MECR: variants seen among roughly 807,000 people sequenced by gnomAD.
MECR encodes enoyl-[acyl-carrier-protein] reductase, mitochondrial.
MECR carries 37 observed loss-of-function variants against 49.1 expected under a neutral mutation model. That is an observed-to-expected ratio of 0.75 (90% CI 0.58 to 0.99). The LOEUF (loss-of-function observed/expected upper bound fraction) is 0.99, where lower values mean the gene tolerates loss of function less well. MECR is among the 50% of genes least tolerant of loss of function. The pLI is 0.00. For missense variants in MECR, 470 were observed against 479.6 expected, an observed-to-expected ratio of 0.98 and a Z score of 0.19; for synonymous variants, 198 against 191.1, an observed-to-expected ratio of 1.04 and a Z score of -0.30.
rs138375354 is a variant in MECR at position 29,223,279 on chromosome 1, T to C, written c.177-6594A>G. 6.1e-6 allele frequency: 6 copies of C among 985,086 alleles called. No individual in the cohort carries two copies. In the African/African-American group the frequency reaches 8.7e-5, roughly 14 times the overall value. The allele number at this position is 985,086 out of a possible 1,614,324, so 61.0% of individuals were successfully genotyped here. The stretch of plus-strand genomic sequence containing the variant: ...TGTACACCTGTGATGCCATATGAAG[T>C]ACAAGGGAGACAAAAGCAGGCAGAA... On this transcript the variant is annotated intron_variant, in intron 1 of 9. Coordinates refer to ENST00000263702, the MANE Select transcript of MECR (RefSeq NM_016011.5).
Position 29,198,532 on chromosome 1 carries a change from G to A in MECR, c.830+1984C>T, listed in dbSNP as rs1364458697. On this transcript the variant is annotated intron_variant, in intron 7 of 9. Coordinates refer to ENST00000263702, the MANE Select transcript of MECR (RefSeq NM_016011.5). ...TGTCTGTCAGGTATAGGGCTGAAGC[G>A]GTGTGCTCAAATGTGGGGTCAAGCC... 3.3e-5 allele frequency among the ~76,000 whole-genome samples: 5 copies of A among 152,174 alleles called. No homozygotes were observed. The South Asian group carries it at 6.2e-4, about 19-fold the overall frequency.
the MECR span, among the ~76,000 whole-genome samples, chr1:29,181,270 G>C: frequency 2.6e-5 from 4 of 152,212 alleles, no homozygotes; most frequent in Non-Finnish European, 5.9e-5. Context: ...GTAGTCCTCA[G>C]AGCGGGAAAG....
At chr1:29,177,741 T>G in the MECR span, among the ~76,000 whole-genome samples, 1 of 152,158 alleles carries the variant, frequency 6.6e-6, no homozygotes, top group East Asian at 1.9e-4. Flanking sequence ...ACATTAGCGA[T>G]GCCTGGTGTA....
At chr1:29,200,019 C>A (rs1055183392) in intron 7 of MECR, among the ~76,000 whole-genome samples, 7 of 152,056 alleles carry the variant, frequency 4.6e-5, no homozygotes, top group Admixed American at 4.6e-4. Context: ...CCTTGGCCTC[C>A]CAAATTACTG....
At chr1:29,209,810 G>A (rs1035371293) in intron 3 of MECR, among the ~76,000 whole-genome samples, 8 of 152,066 alleles carry the variant, frequency 5.3e-5, no homozygotes, top group Non-Finnish European at 1.0e-4. Context: ...GTGGCAGCTC[G>A]GGGCCCTTGG....
the MECR span, among the ~76,000 whole-genome samples, chr1:29,177,283 G>GTTTTTTTT: frequency 7.3e-6 from 1 of 137,880 alleles, no homozygotes; most frequent in African/African-American, 2.7e-5. Context: ...AACTCTTTTT[G>GTTTTTTTT]TTTTTTTTTT....
intron 1 of MECR, among the ~76,000 whole-genome samples, chr1:29,222,468 TAC>T (rs916530579): frequency 6.6e-6 from 1 of 152,178 alleles, no homozygotes; most frequent in African/African-American, 2.4e-5. Flanking sequence ...AGATTCTGAC[TAC>T]ACGTTAGTCA....
At position 29,223,396 on chromosome 1, in the gene MECR, T is replaced by C. The variant is rs574710381; in HGVS notation, c.177-6711A>G. ...GTGTAAGGTGGGCATTAGCTAGCTCTGCTGAGATATCTTTCCTGCGTTCCA... is the reference window on the plus strand; with the variant it reads ...GTGTAAGGTGGGCATTAGCTAGCTCCGCTGAGATATCTTTCCTGCGTTCCA... On this transcript the variant is annotated intron_variant, in intron 1 of 9. Coordinates refer to ENST00000263702, the MANE Select transcript of MECR (RefSeq NM_016011.5). 6.2e-6 allele frequency: 3 copies of C among 487,208 alleles called. No individual in the cohort carries two copies. The African/African-American group carries it at 6.3e-5, about 10-fold the overall frequency. 30.2% of individuals were successfully genotyped at this position (487,208 alleles called of 1,614,324 possible). A position where few individuals can be genotyped will look rare whatever the true frequency, so the allele number is the denominator to read the frequency against.
At chr1:29,210,787 C>G (rs545868722) in intron 3 of MECR, among the ~76,000 whole-genome samples, 67 of 152,298 alleles carry the variant, frequency 4.4e-4, no homozygotes, top group African/African-American at 1.6e-3. Context: ...GATCACTTCA[C>G]CTTTTTTGAG....
chr1:29,213,395 A>G (rs922607304), intron 3 of MECR, among the ~76,000 whole-genome samples: 9 of 148,550 alleles, frequency 6.1e-5, no homozygotes, highest in Non-Finnish European at 1.2e-4. Flanking sequence ...GTAGACTCCT[A>G]TTACTGTTTT....
intron 4 of MECR, among the ~76,000 whole-genome samples, chr1:29,205,782 G>A (rs1038767785): frequency 1.9e-4 from 29 of 152,010 alleles, no homozygotes; most frequent in Non-Finnish European, 2.5e-4. Context: ...GTGAGCCCAC[G>A]CCACTGCACT....
intron 7 of MECR, among the ~76,000 whole-genome samples, chr1:29,196,638 T>C (rs928493772): frequency 6.6e-6 from 1 of 151,052 alleles, no homozygotes; most frequent in African/African-American, 2.4e-5. Context: ...CAGTGAGCCC[T>C]GATCGCACTA....
intron 3 of MECR, among the ~76,000 whole-genome samples, chr1:29,213,949 T>A (rs1428199113): frequency 6.6e-6 from 1 of 152,098 alleles, no homozygotes; most frequent in Non-Finnish European, 1.5e-5. Context: ...TGTGGGGAGA[T>A]CTCATCTAAG....
the MECR span, among the ~76,000 whole-genome samples, chr1:29,186,651 T>C: frequency 1.3e-5 from 2 of 152,322 alleles, no homozygotes; most frequent in South Asian, 4.1e-4. Flanking sequence ...CTTTTTCTCA[T>C]GCCTCCCCAT....
chr1:29,227,124 C>G (rs940015060), intron 1 of MECR, among the ~76,000 whole-genome samples: 1 of 151,658 alleles, frequency 6.6e-6, no homozygotes, highest in African/African-American at 2.4e-5. Context: ...CCACTGTGCC[C>G]GACTAATTTT....
At chr1:29,225,813 A>C (rs766495466) in intron 1 of MECR, among the ~76,000 whole-genome samples, 1 of 152,312 alleles carries the variant, frequency 6.6e-6, no homozygotes, top group Middle Eastern at 3.4e-3. Context: ...ACAGTGCCCT[A>C]TAGTGAGAAT....
At chr1:29,215,212 C>T (rs547993766) in intron 3 of MECR, among the ~76,000 whole-genome samples, 6 of 152,174 alleles carry the variant, frequency 3.9e-5, no homozygotes, top group Non-Finnish European at 7.4e-5. Context: ...TCCACCATTT[C>T]CCAATCTCAC....
chr1:29,203,632 G>A (rs145526391), intron 4 of MECR, among the ~76,000 whole-genome samples: 2 of 152,226 alleles, frequency 1.3e-5, no homozygotes, highest in South Asian at 2.1e-4. Context: ...CCTTTGAAGC[G>A]CAGCTCAAGT....
At chr1:29,208,150 G>T (rs1041464144) in intron 3 of MECR, among the ~76,000 whole-genome samples, 6 of 152,030 alleles carry the variant, frequency 3.9e-5, no homozygotes, top group Non-Finnish European at 8.8e-5. Flanking sequence ...CTGCCACCAC[G>T]CCCGGCTAAT....
Sources: gnomAD v4.1 joint callset for allele counts (sites outside exome capture counted in the v4.1 genomes callset) on GRCh38, gnomAD v4.1.1 for gene constraint, MANE v1.5 for transcripts, NCBI Gene and HGNC (gene_info 2026-07-23, HGNC 2026-07-21) for gene names.